MTMR3: variants seen among roughly 807,000 people sequenced by gnomAD.
MTMR3 encodes phosphatidylinositol-3,5-bisphosphate 3-phosphatase MTMR3.
Under a neutral mutation model 132.4 loss-of-function variants are expected in MTMR3, and 32 were observed. The observed-to-expected ratio is 0.24, with a 90% CI of 0.18 to 0.32. The LOEUF (loss-of-function observed/expected upper bound fraction) is 0.32, where lower values mean the gene tolerates loss of function less well. Ranked by LOEUF, MTMR3 falls within the 10% of genes least tolerant of loss-of-function variation. The probability of loss-of-function intolerance (pLI) is 1.00; values close to 1 mark genes in which losing one functional copy is unlikely to be tolerated. For synonymous variants in MTMR3, 556 were observed against 550.3 expected, an observed-to-expected ratio of 1.01 and a Z score of -0.14; for missense variants, 1,216 against 1,489.6, an observed-to-expected ratio of 0.82 and a Z score of 3.02.
intron 2 of MTMR3, among the ~76,000 whole-genome samples, chr22:29,969,914 A>G (rs1282054624): frequency 1.3e-5 from 2 of 152,124 alleles, no homozygotes; most frequent in Non-Finnish European, 2.9e-5. Flanking sequence ...TACTGCTTTT[A>G]TGTTCTCTTG....
At chr22:29,955,596 A>G (rs779719408) in intron 1 of MTMR3, among the ~76,000 whole-genome samples, 4 of 152,202 alleles carry the variant, frequency 2.6e-5, no homozygotes, top group Non-Finnish European at 4.4e-5. Flanking sequence ...TCATTGTCAT[A>G]TAGTGTGTGT....
At chr22:29,958,570 T>G (rs1248489135) in intron 2 of MTMR3, among the ~76,000 whole-genome samples, 2 of 152,190 alleles carry the variant, frequency 1.3e-5, no homozygotes, top group Admixed American at 6.5e-5. Context: ...TCCCCTCTTG[T>G]CTCAGTGGCT....
intron 1 of MTMR3, among the ~76,000 whole-genome samples, chr22:29,923,142 C>T (rs546393338): frequency 5.3e-5 from 8 of 151,332 alleles, no homozygotes; most frequent in African/African-American, 1.5e-4. Context: ...CCTGGGTTCA[C>T]GCCATTCTCC....
chr22:30,020,419 C>T lies in MTMR3; in HGVS notation c.2760C>T (p.Ala920=), dbSNP rs61753801. The T allele has an allele frequency of 2.8e-5, 45 of 1,614,016 alleles. No individual in the cohort carries two copies. Among genetic ancestry groups the T allele is most frequent in the East Asian group, 4.5e-5 (2 of 44,882 alleles). The change falls in exon 17 of 20, where the codon GCC becomes GCT. Residue 920 remains alanine, a synonymous_variant. Coordinates refer to ENST00000401950, the MANE Select transcript of MTMR3 (RefSeq NM_021090.4). ...GTTCCCCTTGTGCCTTGCCTTTAGC[C>T]GAATGTAAAGAGGGGCTTGTGTGCA... The part of the protein sequence containing the change: ...LTRSPCALPL[A]ECKEGLVCNG...
At position 29,965,740 on chromosome 22, in the gene MTMR3, A is replaced by G. The variant is rs140800056; in HGVS notation, c.-84-5236A>G. Among the ~76,000 whole-genome samples, 841 of 152,260 alleles carry G rather than the reference A, an allele frequency of 5.5e-3. 4 individuals carry two copies. The highest frequency in any genetic ancestry group is 0.01 in the Middle Eastern group (3 of 294). The stretch of plus-strand genomic sequence containing the variant: ...TTGACTGGGAAGATAGCTTATGTAT[A>G]TATATATAATGTGACTGCAGATTGA... On this transcript the variant is annotated intron_variant, in intron 2 of 19. Coordinates refer to ENST00000401950, the MANE Select transcript of MTMR3 (RefSeq NM_021090.4).
intron 1 of MTMR3, among the ~76,000 whole-genome samples, chr22:29,900,880 A>AT (rs926381216): frequency 3.3e-5 from 5 of 152,050 alleles, no homozygotes; most frequent in South Asian, 2.1e-4. Context: ...CACCTGGCTA[A>AT]TTTTTTTGTG....
At chr22:30,020,977 A>G (rs887201736) in intron 17 of MTMR3, 93 bp downstream of exon 17, 64 of 1,252,698 alleles carry the variant, frequency 5.1e-5, no homozygotes, top group Non-Finnish European at 6.9e-5. Context: ...TGATTGGTAC[A>G]GGTTGTTAAA....
At position 29,940,813 on chromosome 22, in the gene MTMR3, A is replaced by G. The variant is rs529798676; in HGVS notation, c.-137-16223A>G. On this transcript the variant is annotated intron_variant, in intron 1 of 19. Transcript: ENST00000401950. ...TAATTATATTTAGGGACATTTTAGT[A>G]CTTTCAAGGAACCTCAGACTTTGCT... is the stretch of plus-strand genomic sequence containing the variant. Among the ~76,000 whole-genome samples, 22 of 150,162 alleles carry G rather than the reference A, an allele frequency of 1.5e-4. No homozygotes were observed. In the South Asian group the frequency reaches 4.4e-3, roughly 30 times the overall value.
chr22:29,935,566 A>G (rs1490285834), intron 1 of MTMR3, among the ~76,000 whole-genome samples: 2 of 152,226 alleles, frequency 1.3e-5, no homozygotes, highest in Non-Finnish European at 2.9e-5. Flanking sequence ...GAGACGTCAT[A>G]TTTCTCCACT....
intron 1 of MTMR3, among the ~76,000 whole-genome samples, chr22:29,946,925 G>A (rs1037743007): frequency 5.9e-5 from 9 of 152,084 alleles, no homozygotes; most frequent in African/African-American, 1.9e-4. Context: ...ATATACCACG[G>A]CATGGAAATA....
At chr22:29,939,659 T>G (rs1258159716) in intron 1 of MTMR3, among the ~76,000 whole-genome samples, 1 of 152,156 alleles carries the variant, frequency 6.6e-6, no homozygotes, top group African/African-American at 2.4e-5. Context: ...GACTGTTTTA[T>G]AAAATAAGAA....
chr22:29,905,456 T>C (rs1602440553), intron 1 of MTMR3, among the ~76,000 whole-genome samples: 2 of 152,294 alleles, frequency 1.3e-5, no homozygotes, highest in South Asian at 4.1e-4. Flanking sequence ...ATATAGTAGT[T>C]GATACTATGA....
intron 1 of MTMR3, among the ~76,000 whole-genome samples, chr22:29,925,028 C>T (rs943274110): frequency 2.0e-5 from 3 of 152,060 alleles, no homozygotes; most frequent in African/African-American, 7.2e-5. Context: ...AGCATTTCCC[C>T]TTTAAATTTA....
At chr22:30,017,212 C>T (rs1416053681) in intron 15 of MTMR3, 1 of 154,590 alleles carries the variant, frequency 6.5e-6, no homozygotes, top group Non-Finnish European at 1.4e-5. Flanking sequence ...ACTTTGTTCC[C>T]CGAAGGAATG....
chr22:29,909,320 GA>G (rs1313625813), intron 1 of MTMR3, among the ~76,000 whole-genome samples: 1 of 151,988 alleles, frequency 6.6e-6, no homozygotes, highest in African/African-American at 2.4e-5. Context: ...TGCACTGAGA[GA>G]AAAAAATTAG....
In MTMR3 at chr22:29,890,051, C is replaced by T. The variant is rs1431453773; in HGVS notation, c.-138+6692C>T. 3.3e-5 allele frequency among the ~76,000 whole-genome samples: 5 copies of T among 151,514 alleles called. No individual in the cohort carries two copies. The East Asian group carries it at 5.9e-4, about 18-fold the overall frequency. On this transcript the variant is annotated intron_variant, in intron 1 of 19. Coordinates refer to ENST00000401950, the MANE Select transcript of MTMR3 (RefSeq NM_021090.4). ...CCTCCTGAGTAGCTGGGCGTACAGGCGCATGCCACCACGCCCGGCTAATTT... is the reference window on the plus strand; with the variant it reads ...CCTCCTGAGTAGCTGGGCGTACAGGTGCATGCCACCACGCCCGGCTAATTT...
At chr22:29,994,387 C>CA (rs2067019844) in intron 7 of MTMR3, 1 of 36,860 alleles carries the variant, frequency 2.7e-5, no homozygotes, top group Non-Finnish European at 5.4e-5. Context: ...TAATTAAAAA[C>CA]AAACCAAAAA....
chr22:29,948,328 G>A (rs372116562), intron 1 of MTMR3, among the ~76,000 whole-genome samples: 4 of 152,274 alleles, frequency 2.6e-5, no homozygotes, highest in East Asian at 3.9e-4. Context: ...TGTGGCAGGC[G>A]CCAGAACTTT....
chr22:29,967,236 T>TGCGC (rs140226487), intron 2 of MTMR3, among the ~76,000 whole-genome samples: 14,023 of 139,246 alleles, frequency 0.1, 1,350 homozygotes, highest in African/African-American at 0.25. Context: ...TGTGTGTGCA[T>TGCGC]GCGCGCGCGC....
Sources: gnomAD v4.1 joint callset for allele counts (sites outside exome capture counted in the v4.1 genomes callset) on GRCh38, gnomAD v4.1.1 for gene constraint, MANE v1.5 for transcripts, NCBI Gene and HGNC (gene_info 2026-07-23, HGNC 2026-07-21) for gene names.